The following CLSTN2 variants were observed in gnomAD, a reference collection of about 807,000 sequenced individuals.
CLSTN2 encodes the protein calsyntenin-2.
Under a neutral mutation model 101.2 loss-of-function variants are expected in CLSTN2, and 48 were observed. That is an observed-to-expected ratio of 0.47 (90% CI 0.38 to 0.60). The LOEUF (loss-of-function observed/expected upper bound fraction) is 0.60, where lower values mean the gene tolerates loss of function less well. CLSTN2 is among the 20% of genes least tolerant of loss of function. The pLI, the probability that CLSTN2 is intolerant of heterozygous loss-of-function variation, is 0.00. For missense variants in CLSTN2, 1,160 were observed against 1,238.2 expected (o/e 0.94, Z 0.95); for synonymous variants, 481 against 463.6 (o/e 1.04, Z -0.48).
At position 140,132,895 on chromosome 3, in the gene CLSTN2, A is replaced by G. The variant is rs142882517; in HGVS notation, c.110-43056A>G. ...GATATTGTATTGAAATATGTTTTCA[A>G]TGTCTTTGGAAAATGTCTTCATTTT... On this transcript the variant is annotated intron_variant, in intron 1 of 16. Transcript: ENST00000458420. Among the ~76,000 whole-genome samples, 233 of 152,328 alleles carry G rather than the reference A, an allele frequency of 1.5e-3. 1 individual carries two copies. Among genetic ancestry groups the G allele is most frequent in the African/African-American group, 5.4e-3 (226 of 41,576 alleles).
At chr3:140,082,909 G>A (rs868297239) in intron 1 of CLSTN2, among the ~76,000 whole-genome samples, 8 of 152,264 alleles carry the variant, frequency 5.3e-5, no homozygotes, top group Middle Eastern at 3.4e-3. Flanking sequence ...TGATGTCAAG[G>A]AGCACGTGGA....
chr3:140,229,500 C>T (rs1481244399), intron 2 of CLSTN2, among the ~76,000 whole-genome samples: 2 of 151,878 alleles, frequency 1.3e-5, no homozygotes, highest in Non-Finnish European at 2.9e-5. Context: ...CCTCCTTTTC[C>T]TTTTTCTCCA....
intron 2 of CLSTN2, among the ~76,000 whole-genome samples, chr3:140,390,180 T>G (rs2088097611): frequency 6.6e-6 from 1 of 152,134 alleles, no homozygotes; most frequent in South Asian, 2.1e-4. Context: ...TTAGGTTTAC[T>G]TTGCTTTTCT....
chr3:140,225,590 C>T (rs1337668387), intron 2 of CLSTN2, among the ~76,000 whole-genome samples: 2 of 152,092 alleles, frequency 1.3e-5, no homozygotes, highest in Admixed American at 1.3e-4. Flanking sequence ...CTCCGCCTCC[C>T]GGGTTCAAGT....
At chr3:140,177,496 TA>T (rs1288931468) in intron 2 of CLSTN2, among the ~76,000 whole-genome samples, 8 of 151,992 alleles carry the variant, frequency 5.3e-5, no homozygotes, top group African/African-American at 1.9e-4. Flanking sequence ...ATTATGCACT[TA>T]AAAAAATAGA....
intron 1 of CLSTN2, among the ~76,000 whole-genome samples, chr3:140,153,053 A>G (rs576067452): frequency 1.3e-5 from 2 of 152,310 alleles, no homozygotes; most frequent in African/African-American, 4.8e-5. Flanking sequence ...GTGTGCGAAC[A>G]TTTTGGAACT....
At position 140,573,727 on chromosome 3, in the gene CLSTN2, G is replaced by A. The variant is rs1985640109; in HGVS notation, c.*7474G>A. The A allele has an allele frequency of 6.6e-6, 1 of 152,232 alleles. No homozygotes were observed. Among genetic ancestry groups the A allele is most frequent in the South Asian group, 2.1e-4 (1 of 4,820 alleles). The allele number at this position is 152,232 out of a possible 1,614,324, so 9.4% of individuals were successfully genotyped here. A position where few individuals can be genotyped will look rare whatever the true frequency, so the allele number is the denominator to read the frequency against. ...GGAAAGGGACTAGACATGTAGCCTA[G>A]GAAAACTAGCACCATCTGTTGAGTT... On this transcript the variant is annotated 3_prime_UTR_variant, in exon 17 of 17. Transcript: ENST00000458420.
intron 2 of CLSTN2, among the ~76,000 whole-genome samples, chr3:140,362,351 A>C (rs1364588247): frequency 3.9e-5 from 6 of 152,190 alleles, no homozygotes; most frequent in Non-Finnish European, 8.8e-5. Flanking sequence ...ATAAAACAAT[A>C]AAACCTATAG....
At chr3:140,493,527 G>T (rs1413049439) in intron 8 of CLSTN2, among the ~76,000 whole-genome samples, 1 of 152,190 alleles carries the variant, frequency 6.6e-6, no homozygotes, top group Non-Finnish European at 1.5e-5. Flanking sequence ...CACCTACTGT[G>T]TATACCTACC....
chr3:140,270,909 A>G (rs1417376563), intron 2 of CLSTN2, among the ~76,000 whole-genome samples: 2 of 152,120 alleles, frequency 1.3e-5, no homozygotes, highest in Non-Finnish European at 2.9e-5. Flanking sequence ...TGCTTCTCCA[A>G]CAGACCTGGG....
chr3:140,317,552 C>T (rs545393115), intron 2 of CLSTN2, among the ~76,000 whole-genome samples: 1 of 152,280 alleles, frequency 6.6e-6, no homozygotes, highest in South Asian at 2.1e-4. Flanking sequence ...TGACCACTGT[C>T]AAGATTCACC....
At chr3:140,150,712 G>A (rs2009851063) in intron 1 of CLSTN2, among the ~76,000 whole-genome samples, 1 of 152,090 alleles carries the variant, frequency 6.6e-6, no homozygotes, top group South Asian at 2.1e-4. Flanking sequence ...CTGTATCACA[G>A]CTCCACTTCT....
At chr3:140,460,734 T>G (rs771915609) in intron 7 of CLSTN2, among the ~76,000 whole-genome samples, 12 of 152,218 alleles carry the variant, frequency 7.9e-5, no homozygotes, top group Admixed American at 2.0e-4. Context: ...TCCCAAGATC[T>G]TATGCAAATT....
At chr3:140,370,474 G>C in intron 2 of CLSTN2, among the ~76,000 whole-genome samples, 1 of 152,120 alleles carries the variant, frequency 6.6e-6, no homozygotes, top group East Asian at 1.9e-4. Context: ...TATATATGTA[G>C]GAGAGGGAGG....
At chr3:140,093,883 T>G (rs2008823372) in intron 1 of CLSTN2, among the ~76,000 whole-genome samples, 1 of 152,152 alleles carries the variant, frequency 6.6e-6, no homozygotes, top group Non-Finnish European at 1.5e-5. Flanking sequence ...CAAAGTCTAG[T>G]AAAAAGAACA....
At chr3:140,226,995 G>A (rs112572693) in intron 2 of CLSTN2, among the ~76,000 whole-genome samples, 43 of 152,216 alleles carry the variant, frequency 2.8e-4, no homozygotes, top group African/African-American at 1.0e-3. Flanking sequence ...AGATTTGGGT[G>A]GGGACACAAC....
In CLSTN2 at chr3:140,111,449, C is replaced by T. The variant is rs147454869; in HGVS notation, c.110-64502C>T. Among the ~76,000 whole-genome samples, 145 of 152,238 alleles carry T rather than the reference C, an allele frequency of 9.5e-4. 2 individuals are homozygous for T. In the Middle Eastern group the frequency reaches 0.017, roughly 18 times the overall value. ...AGGCTACCTGGAGAGACCTCGCAAA[C>T]GGGCCACCTTGAGACAACCCCTGAA... On this transcript the variant is annotated intron_variant, in intron 1 of 16. Transcript: ENST00000458420.
chr3:140,237,696 A>AT (rs1394611161), intron 2 of CLSTN2, among the ~76,000 whole-genome samples: 3 of 151,996 alleles, frequency 2.0e-5, no homozygotes. Context: ...AGAGATCATT[A>AT]TTTTTTGCTA....
At position 140,575,701 on chromosome 3, in the gene CLSTN2, G is replaced by A. The variant is rs1267668908; in HGVS notation, c.*9448G>A. On this transcript the variant is annotated 3_prime_UTR_variant, in exon 17 of 17. Coordinates refer to ENST00000458420, the MANE Select transcript of CLSTN2 (RefSeq NM_022131.3). ...TATTGTCAGGGACATTATAATATTG[G>A]TAAGGAGGAGAGAATGATTTGGTAG... 2 of 137,484 alleles carry A rather than the reference G, an allele frequency of 1.5e-5. No individual in the cohort carries two copies. The highest frequency in any genetic ancestry group is 3.3e-5 in the Non-Finnish European group (2 of 61,272). 8.5% of individuals were successfully genotyped at this position (137,484 alleles called of 1,614,324 possible). A position where few individuals can be genotyped will look rare whatever the true frequency, so the allele number is the denominator to read the frequency against.
Sources: gnomAD v4.1 joint callset for allele counts (sites outside exome capture counted in the v4.1 genomes callset) on GRCh38, gnomAD v4.1.1 for gene constraint, MANE v1.5 for transcripts, NCBI Gene and HGNC (gene_info 2026-07-23, HGNC 2026-07-21) for gene names.